The following TUBGCP3 variants were observed in gnomAD, a reference collection of about 807,000 sequenced individuals.
TUBGCP3 encodes the protein tubulin gamma complex component 3, also known as gamma-tubulin complex component 3.
A neutral mutation model predicts 123.1 loss-of-function variants in TUBGCP3; 50 were observed. The ratio of observed to expected loss-of-function variants is 0.41; its 90% CI spans 0.32 to 0.51. TUBGCP3 has a LOEUF of 0.51. Among genes scored for constraint, TUBGCP3 ranks in the 20% least tolerant of loss-of-function variants. TUBGCP3 has a pLI of 0.36. For synonymous variants in TUBGCP3, 405 were observed against 413.9 expected (o/e 0.98, Z 0.26); for missense variants, 882 against 1,127.0 (o/e 0.78, Z 3.11).
In TUBGCP3 at chr13:112,545,548, G is replaced by T; in HGVS notation, c.1335+151C>A. The T allele has an allele frequency of 1.2e-6, 1 of 804,026 alleles. No individual in the cohort carries two copies. The highest frequency in any genetic ancestry group is 2.0e-6 in the Non-Finnish European group (1 of 509,980). The allele number at this position is 804,026 out of a possible 1,614,324, so 49.8% of individuals were successfully genotyped here. On this transcript the variant is annotated intron_variant, in intron 11 of 21. Coordinates refer to ENST00000261965, the MANE Select transcript of TUBGCP3 (RefSeq NM_006322.6). This position sits in a 1 kb window ranked among gnomAD's most constrained non-coding sequence, Gnocchi z 4.1. ...GTTCAGTGAGATAACCAGCTGTCGA[G>T]GCACTGTGTAAAATGTATATGGTAT...
chr13:112,557,748 G>A (rs1457653595), intron 5 of TUBGCP3, among the ~76,000 whole-genome samples: 4 of 152,152 alleles, frequency 2.6e-5, no homozygotes, highest in Non-Finnish European at 4.4e-5. Context: ...AAAATGTCAC[G>A]ATCCTTAAAG....
At chr13:112,581,619 T>C (rs1239965053) in intron 1 of TUBGCP3, among the ~76,000 whole-genome samples, 2 of 152,208 alleles carry the variant, frequency 1.3e-5, no homozygotes, top group East Asian at 1.9e-4. Flanking sequence ...CTAATTTTTA[T>C]ATTTTCTGTA....
chr13:112,563,088 C>T (rs957464117), intron 3 of TUBGCP3, among the ~76,000 whole-genome samples: 3 of 152,180 alleles, frequency 2.0e-5, no homozygotes, highest in African/African-American at 7.2e-5. Flanking sequence ...CCTGCTCAGC[C>T]ATGCTTCAAA....
At chr13:112,493,135 G>C (rs1278256566) in intron 20 of TUBGCP3, among the ~76,000 whole-genome samples, 3 of 133,440 alleles carry the variant, frequency 2.2e-5, no homozygotes, top group African/African-American at 8.5e-5. Context: ...TTTGGGAACG[G>C]GGCCTGGTGT....
At chr13:112,502,638 CG>C (rs1881006481) in intron 19 of TUBGCP3, among the ~76,000 whole-genome samples, 1 of 151,244 alleles carries the variant, frequency 6.6e-6, no homozygotes, top group Non-Finnish European at 1.5e-5. Flanking sequence ...CTCCGCCTCC[CG>C]GGTTCACGCC....
chr13:112,587,800 G>A lies in TUBGCP3; in HGVS notation c.76+105C>T, dbSNP rs1198689743. 3.8e-6 allele frequency: 4 copies of A among 1,045,578 alleles called. No individual in the cohort carries two copies. The African/African-American group carries it at 5.0e-5, about 13-fold the overall frequency. The allele number at this position is 1,045,578 out of a possible 1,614,324, so 64.8% of individuals were successfully genotyped here. A position where few individuals can be genotyped will look rare whatever the true frequency, so the allele number is the denominator to read the frequency against. On this transcript the variant is annotated intron_variant, in intron 1 of 21. Coordinates refer to ENST00000261965, the MANE Select transcript of TUBGCP3 (RefSeq NM_006322.6). ...GGCCCGTCCCCCAGCCCTCTGCCCGGCCCTGCATCCTCGTTCCTCCAGCCC... is the reference window on the plus strand; with the variant it reads ...GGCCCGTCCCCCAGCCCTCTGCCCGACCCTGCATCCTCGTTCCTCCAGCCC...
chr13:112,594,556 G>A, the TUBGCP3 span, among the ~76,000 whole-genome samples: 1 of 152,078 alleles, frequency 6.6e-6, no homozygotes, highest in Non-Finnish European at 1.5e-5. Context: ...CCTCTGTTAT[G>A]TCTCTGCTTT....
At chr13:112,541,767 A>G (rs1040214707) in intron 11 of TUBGCP3, among the ~76,000 whole-genome samples, 1 of 152,178 alleles carries the variant, frequency 6.6e-6, no homozygotes, top group Non-Finnish European at 1.5e-5. Flanking sequence ...TAGTATGAAA[A>G]CTCAGACAAT....
Position 112,577,989 on chromosome 13 carries a change from G to A in TUBGCP3, c.77-8730C>T, listed in dbSNP as rs190469125. 9.2e-5 allele frequency among the ~76,000 whole-genome samples: 14 copies of A among 152,324 alleles called. No individual in the cohort carries two copies. The South Asian group carries it at 1.0e-3, about 11-fold the overall frequency. ...ATGAAAATTTGTTGGGAAAAGCTGA[G>A]TGTTGGGAGAAGCTGAGGCAGGGCT... On this transcript the variant is annotated intron_variant, in intron 1 of 21. Transcript: ENST00000261965.
rs754618094 is a variant in TUBGCP3, at chr13:112,519,899, A to G, written c.1868T>C (p.Val623Ala). ...GAGCCGCAGTACCTCCAGCAGCCGCACGTCCAGCCTTCGCAGGATCTCAGG... is the reference window on the plus strand; with the variant it reads ...GAGCCGCAGTACCTCCAGCAGCCGCGCGTCCAGCCTTCGCAGGATCTCAGG... ...DSPEILRRLD[V>A]RLLEVSPGDT... The change falls in exon 15 of 22, where the codon GTG becomes GCG. Residue 623 changes from valine (V) to alanine (A), a missense_variant. Physicochemically the swap from Val to Ala is moderately conservative, Grantham distance 64. Coordinates refer to ENST00000261965, the MANE Select transcript of TUBGCP3 (RefSeq NM_006322.6). This position sits in a 1 kb window ranked among gnomAD's most constrained non-coding sequence, Gnocchi z 6.2. 16 of 1,613,426 alleles carry G rather than the reference A, an allele frequency of 9.9e-6. No homozygotes were observed. Among genetic ancestry groups the G allele is most frequent in the Non-Finnish European group, 1.3e-5 (15 of 1,179,566 alleles).
chr13:112,568,187 G>A (rs1294708266), intron 2 of TUBGCP3, among the ~76,000 whole-genome samples: 1 of 150,772 alleles, frequency 6.6e-6, no homozygotes, highest in Non-Finnish European at 1.5e-5. Flanking sequence ...AAGACCCACA[G>A]CCAAATGGAC....
chr13:112,576,969 G>A (rs1474794223), intron 1 of TUBGCP3, among the ~76,000 whole-genome samples: 2 of 144,860 alleles, frequency 1.4e-5, no homozygotes, highest in East Asian at 2.0e-4. Context: ...TGGGGTGGAG[G>A]GAAAAAAAAA....
intron 10 of TUBGCP3, chr13:112,546,280 C>CT (rs540037531): frequency 1.3e-4 from 23 of 172,134 alleles, no homozygotes; most frequent in South Asian, 2.8e-4. Flanking sequence ...CATCCTTGTA[C>CT]TTTTTTTTTG....
At chr13:112,500,293 G>T (rs1880817616) in intron 19 of TUBGCP3, among the ~76,000 whole-genome samples, 1 of 152,184 alleles carries the variant, frequency 6.6e-6, no homozygotes, top group African/African-American at 2.4e-5. Context: ...CTCTTAGCTT[G>T]ACAAGGGTCC....
At chr13:112,501,067 T>C (rs560068184) in intron 19 of TUBGCP3, among the ~76,000 whole-genome samples, 2 of 152,224 alleles carry the variant, frequency 1.3e-5, no homozygotes, top group South Asian at 2.1e-4. Context: ...GGTCTTCAGA[T>C]TACATGGCAA....
Position 112,535,030 on chromosome 13 carries a change from A to G in TUBGCP3, c.1336-7546T>C, listed in dbSNP as rs559838500. On this transcript the variant is annotated intron_variant, in intron 11 of 21. Coordinates refer to ENST00000261965, the MANE Select transcript of TUBGCP3 (RefSeq NM_006322.6). ...AATTCTGGACATTTCATACGAATGGAATCATACAATATATGGCCTTCTGTG... is the reference window on the plus strand; with the variant it reads ...AATTCTGGACATTTCATACGAATGGGATCATACAATATATGGCCTTCTGTG... Among the ~76,000 whole-genome samples the G allele has an allele frequency of 7.9e-5, 12 of 152,326 alleles. No homozygotes were observed. In the East Asian group the frequency reaches 2.1e-3, roughly 27 times the overall value.
At chr13:112,486,675 G>A (rs1321364630) in intron 21 of TUBGCP3, among the ~76,000 whole-genome samples, 1 of 152,214 alleles carries the variant, frequency 6.6e-6, no homozygotes, top group Non-Finnish European at 1.5e-5. Flanking sequence ...CCATCATCCT[G>A]TTACTGAGGG....
intron 1 of TUBGCP3, among the ~76,000 whole-genome samples, chr13:112,573,078 A>C (rs1277168101): frequency 6.6e-6 from 1 of 151,870 alleles, no homozygotes; most frequent in Admixed American, 6.6e-5. Context: ...ATCTAAAACA[A>C]AAAGGAGACA....
At chr13:112,563,367 T>G (rs1204106531) in intron 3 of TUBGCP3, among the ~76,000 whole-genome samples, 2 of 152,174 alleles carry the variant, frequency 1.3e-5, no homozygotes. Flanking sequence ...GAATCTCCTA[T>G]TCTACTTGGT....
Sources: gnomAD v4.1 joint callset for allele counts (sites outside exome capture counted in the v4.1 genomes callset) on GRCh38, gnomAD v4.1.1 for gene constraint, Gnocchi (gnomAD v3.1) non-coding constraint, MANE v1.5 for transcripts, NCBI Gene and HGNC (gene_info 2026-07-23, HGNC 2026-07-21) for gene names.